The following LCORL variants were observed in gnomAD, a reference collection of about 807,000 sequenced individuals.
LCORL encodes ligand dependent nuclear receptor corepressor like, also known as ligand-dependent nuclear receptor corepressor-like protein.
A neutral mutation model predicts 141.8 loss-of-function variants in LCORL; 41 were observed. The ratio of observed to expected loss-of-function variants is 0.29; its 90% CI spans 0.23 to 0.38. The LOEUF is 0.38. Ranked by LOEUF, LCORL falls within the 10% of genes least tolerant of loss-of-function variation. The pLI is 1.00. For missense variants in LCORL, 1,759 were observed against 2,035.0 expected, an observed-to-expected ratio of 0.86 and a Z score of 2.61; for synonymous variants, 618 against 694.1, an observed-to-expected ratio of 0.89 and a Z score of 1.72.
In LCORL at chr4:17,843,869, C is replaced by G. The variant is rs183221342; in HGVS notation, c.*2019G>C. On this transcript the variant is annotated 3_prime_UTR_variant, in exon 8 of 8. Transcript: ENST00000635767. ...TTTCTAGGGAAAATGAAGGAAGTACCACAAACTGGCTAGAAAGGAGCTTAT... is the reference window on the plus strand; with the variant it reads ...TTTCTAGGGAAAATGAAGGAAGTACGACAAACTGGCTAGAAAGGAGCTTAT... 3.9e-3 allele frequency: 597 copies of G among 153,096 alleles called. 14 individuals are homozygous for G. The East Asian group carries it at 0.059, about 15-fold the overall frequency. The allele number at this position is 153,096 out of a possible 1,614,324, so 9.5% of individuals were successfully genotyped here. A position where few individuals can be genotyped will look rare whatever the true frequency, so the allele number is the denominator to read the frequency against.
chr4:17,885,479 T>C (rs1474881501), intron 6 of LCORL, among the ~76,000 whole-genome samples: 2 of 151,684 alleles, frequency 1.3e-5, no homozygotes, highest in Non-Finnish European at 2.9e-5. Flanking sequence ...CCTATGCAGT[T>C]AGTTAATGGG....
Position 17,978,827 on chromosome 4 carries a change from A to G in LCORL, c.155-5942T>C, listed in dbSNP as rs949207631. On this transcript the variant is annotated intron_variant, in intron 1 of 7. Coordinates refer to ENST00000635767, the Ensembl canonical transcript of LCORL. ...GATTTCTTGAGCTCTTTCTCTCTGCAGCTCTCTCCGTTCTGGTACAATGCC... is the reference window on the plus strand; with the variant it reads ...GATTTCTTGAGCTCTTTCTCTCTGCGGCTCTCTCCGTTCTGGTACAATGCC... Among the ~76,000 whole-genome samples the G allele has an allele frequency of 3.9e-5, 6 of 152,286 alleles. No individual in the cohort carries two copies. In the East Asian group the frequency reaches 1.2e-3, roughly 29 times the overall value.
exon 7 of LCORL, chr4:17,877,278 G>C (rs1727026071): frequency 8.1e-7 from 1 of 1,229,534 alleles, no homozygotes; most frequent in Admixed American, 4.2e-5. Flanking sequence ...CAAGAGAGAT[G>C]TTATGAAATC....
At chr4:17,997,829 T>C (rs1721152020) in intron 1 of LCORL, among the ~76,000 whole-genome samples, 1 of 152,100 alleles carries the variant, frequency 6.6e-6, no homozygotes. Context: ...AAAATTTTAA[T>C]TTCAGAGAAG....
chr4:17,870,994 C>T (rs946075659), intron 7 of LCORL, among the ~76,000 whole-genome samples: 1 of 152,060 alleles, frequency 6.6e-6, no homozygotes, highest in African/African-American at 2.4e-5. Context: ...ATCTCATATA[C>T]ACTGCCTTAG....
intron 4 of LCORL, among the ~76,000 whole-genome samples, chr4:17,951,074 T>C (rs1461934141): frequency 6.6e-6 from 1 of 152,224 alleles, no homozygotes; most frequent in East Asian, 1.9e-4. Context: ...ACTACACCAG[T>C]TCACTCTGGC....
At chr4:17,954,073 G>C (rs1712061673) in intron 4 of LCORL, among the ~76,000 whole-genome samples, 1 of 152,208 alleles carries the variant, frequency 6.6e-6, no homozygotes, top group South Asian at 2.1e-4. Context: ...TGAGGCAGGA[G>C]AATGGCATGA....
intron 4 of LCORL, among the ~76,000 whole-genome samples, chr4:17,937,876 T>C (rs935052643): frequency 2.6e-5 from 4 of 152,284 alleles, no homozygotes; most frequent in African/African-American, 7.2e-5. Flanking sequence ...GGGGAGTCAT[T>C]TGACCTGGGC....
Position 17,886,065 on chromosome 4 carries a change from T to C in LCORL, c.776+3A>G. The C allele has an allele frequency of 6.6e-7, 1 of 1,513,210 alleles. No homozygotes were observed. The highest frequency in any genetic ancestry group is 9.1e-7 in the Non-Finnish European group (1 of 1,100,108). 93.7% of individuals were successfully genotyped at this position (1,513,210 alleles called of 1,614,324 possible). A position where few individuals can be genotyped will look rare whatever the true frequency, so the allele number is the denominator to read the frequency against. On this transcript the variant is annotated splice_donor_region_variant and intron_variant, in intron 6 of 7. Coordinates refer to ENST00000635767, the Ensembl canonical transcript of LCORL. ...TAAATTATATTTCCTAGATATTGCT[T>C]ACCCAGCCACTGAATTTTCAGAAGA...
At chr4:17,874,811 C>T (rs370477364) in exon 7 of LCORL, 27 of 1,233,514 alleles carry the variant, frequency 2.2e-5, no homozygotes, top group African/African-American at 2.2e-4. Flanking sequence ...TTGCATTCCG[C>T]GAAAGTCTGT....
chr4:17,850,423 A>C (rs2109097979), intron 7 of LCORL, among the ~76,000 whole-genome samples: 1 of 151,518 alleles, frequency 6.6e-6, no homozygotes, highest in African/African-American at 2.4e-5. Context: ...ATGAACTCAA[A>C]CAAATTTACA....
intron 7 of LCORL, among the ~76,000 whole-genome samples, chr4:17,869,743 AGATCC>A (rs1726109731): frequency 6.6e-6 from 1 of 152,162 alleles, no homozygotes; most frequent in Non-Finnish European, 1.5e-5. Flanking sequence ...CTTGGGAAAC[AGATCC>A]GTATGTTTAG....
chr4:17,881,727 C>G (rs1727591932), intron 6 of LCORL: 1 of 953,474 alleles, frequency 1.0e-6, no homozygotes, highest in African/African-American at 1.8e-5. Context: ...TAAAAAAGCT[C>G]AATACAATAT....
Position 17,884,187 on chromosome 4 carries a change from C to T in LCORL, c.776+1881G>A. On this transcript the variant is annotated intron_variant, in intron 6 of 7. Coordinates refer to ENST00000635767, the Ensembl canonical transcript of LCORL. This position sits in a 1 kb window ranked among gnomAD's most constrained non-coding sequence, Gnocchi z 4.4. ...TTTTTCAGTTTTTGGAGAGCTGATC[C>T]TTCTAGGACTGAAGAGGTTTTGGAA... 1 of 1,549,894 alleles carries T rather than the reference C, an allele frequency of 6.5e-7. No homozygotes were observed. The highest frequency in any genetic ancestry group is 8.7e-7 in the Non-Finnish European group (1 of 1,146,152).
intron 4 of LCORL, chr4:17,913,032 G>A: frequency 4.1e-6 from 1 of 242,632 alleles, no homozygotes; most frequent in Middle Eastern, 1.5e-3. Flanking sequence ...AAAAGTTCAG[G>A]GGTCAAAAAA....
At chr4:18,010,563 C>T (rs1185476288) in intron 1 of LCORL, among the ~76,000 whole-genome samples, 1 of 152,048 alleles carries the variant, frequency 6.6e-6, no homozygotes, top group Non-Finnish European at 1.5e-5. Flanking sequence ...GATTCTCCTG[C>T]CTCAGCCTCC....
chr4:17,988,265 G>C (rs1719357088), intron 1 of LCORL, among the ~76,000 whole-genome samples: 1 of 152,064 alleles, frequency 6.6e-6, no homozygotes, highest in South Asian at 2.1e-4. Flanking sequence ...CCAGTCTCGG[G>C]TATGTCTTTA....
intron 4 of LCORL, among the ~76,000 whole-genome samples, chr4:17,918,264 C>G (rs76295895): frequency 1.3e-5 from 2 of 152,070 alleles, no homozygotes; most frequent in Non-Finnish European, 2.9e-5. Context: ...CCTGTTATCA[C>G]GCTGTATTAT....
chr4:17,977,382 C>T (rs1343207383), intron 1 of LCORL, among the ~76,000 whole-genome samples: 1 of 152,112 alleles, frequency 6.6e-6, no homozygotes, highest in African/African-American at 2.4e-5. Context: ...TGAAAGTTAC[C>T]ATGGCTGATT....
Sources: allele counts gnomAD v4.1 joint callset (sites outside exome capture counted in the v4.1 genomes callset), GRCh38; gene constraint gnomAD v4.1.1; non-coding constraint Gnocchi (gnomAD v3.1); transcripts MANE v1.5; gene names NCBI Gene and HGNC (gene_info 2026-07-23, HGNC 2026-07-21).